The following GTF2A1 variants were observed in gnomAD, a reference collection of about 807,000 sequenced individuals.
The protein encoded by GTF2A1 is general transcription factor IIA subunit 1.
In GTF2A1, 12 loss-of-function variants were observed where a neutral mutation model predicts 54.1. That is an observed-to-expected ratio of 0.22 (90% CI 0.14 to 0.36). The LOEUF is 0.36. Ranked by LOEUF, GTF2A1 falls within the 10% of genes least tolerant of loss-of-function variation. GTF2A1 has a pLI of 1.00. For missense variants in GTF2A1, 335 were observed against 442.2 expected (o/e 0.76, Z 2.17); for synonymous variants, 145 against 152.0 (o/e 0.95, Z 0.34).
intron 2 of GTF2A1, chr14:81,209,967 T>G (rs1018866272): frequency 3.5e-5 from 36 of 1,020,416 alleles, no homozygotes; most frequent in Non-Finnish European, 4.7e-5. Flanking sequence ...ACAAAACTAT[T>G]GTCTTCTAGA....
rs376289162 is a variant in GTF2A1, at chr14:81,201,623, A to G, written c.373T>C (p.Leu125=). 170 of 1,610,048 alleles carry G rather than the reference A, an allele frequency of 1.1e-4. 2 individuals carry two copies. In the East Asian group the frequency reaches 2.2e-3, roughly 21 times the overall value. ...TTTGATGCATTCATATGCTGTATCA[A>G]CTTAGAATCTGGAACAATAACTTGT... The part of the protein sequence containing the change: ...APQVIVPDSK[L]IQHMNASNMS... Residue 125 remains leucine (L), a synonymous_variant, in exon 4 of 9, where the codon TTG becomes CTG. Transcript: ENST00000553612.
At chr14:81,210,279 A>G (rs553203236) in intron 2 of GTF2A1, among the ~76,000 whole-genome samples, 1 of 152,356 alleles carries the variant, frequency 6.6e-6, no homozygotes, top group African/African-American at 2.4e-5. Flanking sequence ...GCCAATTACC[A>G]AAAAGTTCAA....
chr14:81,220,197 G>A (rs939529367), intron 1 of GTF2A1, among the ~76,000 whole-genome samples: 4 of 147,224 alleles, frequency 2.7e-5, no homozygotes, highest in East Asian at 4.0e-4. Flanking sequence ...CTGGGGCCGG[G>A]GCTGCGCGCC....
intron 2 of GTF2A1, among the ~76,000 whole-genome samples, chr14:81,208,587 G>A (rs114862190): frequency 0.02 from 3,067 of 152,266 alleles, 96 homozygotes; most frequent in African/African-American, 0.07. Context: ...CAGAATGGCA[G>A]ACCCACCAAC....
At chr14:81,184,144 T>C (rs1487211877) in intron 8 of GTF2A1, among the ~76,000 whole-genome samples, 1 of 152,212 alleles carries the variant, frequency 6.6e-6, no homozygotes. Context: ...TAAAATATTA[T>C]GAGTACAGTT....
At chr14:81,202,567 C>T (rs755459700) in intron 3 of GTF2A1, 3 of 456,612 alleles carry the variant, frequency 6.6e-6, no homozygotes, top group South Asian at 1.6e-5. Context: ...CAAATAAGTT[C>T]GGCATCAATA....
chr14:81,199,784 A>G (rs1297957808), intron 4 of GTF2A1, among the ~76,000 whole-genome samples: 1 of 152,202 alleles, frequency 6.6e-6, no homozygotes, highest in African/African-American at 2.4e-5. Context: ...TTTATCCCAG[A>G]AATAACTTAC....
chr14:81,214,208 TGCTGAATG>T (rs1893435682), intron 2 of GTF2A1, among the ~76,000 whole-genome samples: 1 of 152,212 alleles, frequency 6.6e-6, no homozygotes, highest in Admixed American at 6.5e-5. Context: ...TCGACACCTA[TGCTGAATG>T]GATGAGACCA....
chr14:81,197,170 A>G, intron 5 of GTF2A1: 1 of 329,936 alleles, frequency 3.0e-6, no homozygotes, highest in South Asian at 1.1e-4. Flanking sequence ...TACTTCAATA[A>G]TAGGGTTATC....
rs901003634 is a variant in GTF2A1, at chr14:81,178,538, C to T, written c.*1685G>A. 1.3e-5 allele frequency: 2 copies of T among 151,896 alleles called. No individual in the cohort carries two copies. The highest frequency in any genetic ancestry group is 2.9e-5 in the Non-Finnish European group (2 of 67,992). 9.4% of individuals were successfully genotyped at this position (151,896 alleles called of 1,614,324 possible). A position where few individuals can be genotyped will look rare whatever the true frequency, so the allele number is the denominator to read the frequency against. On this transcript the variant is annotated 3_prime_UTR_variant, in exon 9 of 9. Transcript: ENST00000553612. ...AGCATGCTAGACACCACCATTAACA[C>T]CAAAGTTTAGAACATAAGTTAAAGA... is the stretch of plus-strand genomic sequence containing the variant.
At chr14:81,194,432 G>A (rs150651957) in intron 6 of GTF2A1, among the ~76,000 whole-genome samples, 70 of 152,296 alleles carry the variant, frequency 4.6e-4, no homozygotes, top group African/African-American at 7.7e-4. Context: ...GTTGCCAGAC[G>A]GCATTCTTAA....
chr14:81,201,485 T>C (rs1893109837), intron 4 of GTF2A1, 109 bp downstream of exon 4: 1 of 596,216 alleles, frequency 1.7e-6, no homozygotes, highest in Non-Finnish European at 3.0e-6. Context: ...CTGTTTTGCT[T>C]GAGTCTTCAA....
At chr14:81,195,147 A>C (rs1369794076) in intron 6 of GTF2A1, among the ~76,000 whole-genome samples, 3 of 151,690 alleles carry the variant, frequency 2.0e-5, no homozygotes, top group Non-Finnish European at 4.4e-5. Context: ...AAAAAAAAAA[A>C]AAAAAAAGAT....
At chr14:81,214,536 C>T (rs1893444173) in intron 2 of GTF2A1, among the ~76,000 whole-genome samples, 1 of 151,628 alleles carries the variant, frequency 6.6e-6, no homozygotes, top group Non-Finnish European at 1.5e-5. Context: ...GTCCCAGCTA[C>T]TTGGGAGGCT....
intron 6 of GTF2A1, among the ~76,000 whole-genome samples, chr14:81,195,036 A>G (rs1391795601): frequency 6.6e-6 from 1 of 150,938 alleles, no homozygotes; most frequent in Non-Finnish European, 1.5e-5. Flanking sequence ...GCTACTCAGG[A>G]GGCTGAGGCA....
Position 81,192,636 on chromosome 14 carries a change from T to C in GTF2A1, c.816A>G (p.Gln272=). 1 of 1,613,968 alleles carries C rather than the reference T, an allele frequency of 6.2e-7. No homozygotes were observed. Among genetic ancestry groups the C allele is most frequent in the Non-Finnish European group, 8.5e-7 (1 of 1,179,802 alleles). The change falls in exon 7 of 9, where the codon CAA becomes CAG. Residue 272 remains glutamine (Q), a synonymous_variant. Coordinates refer to ENST00000553612, the MANE Select transcript of GTF2A1 (RefSeq NM_015859.4). ...PAQTQAPLVL[Q]VDGTGDTSSE... ...ATGATGTATCCCCAGTTCCATCAAC[T>C]TGTAAGACCAATGGAGCTTGTGTTT...
At chr14:81,221,170 C>T (rs1893642104), upstream of GTF2A1, 1 of 152,320 alleles carries the variant, frequency 6.6e-6, no homozygotes, top group South Asian at 2.1e-4. Flanking sequence ...CTCGCGTGAT[C>T]ACGTGGTTGG....
chr14:81,215,250 T>C (rs1209687476), intron 2 of GTF2A1, among the ~76,000 whole-genome samples: 2 of 152,238 alleles, frequency 1.3e-5, no homozygotes, highest in Non-Finnish European at 2.9e-5. Context: ...ATGAGAAGTA[T>C]ACATAAAGCA....
At chr14:81,197,126 A>G in intron 5 of GTF2A1, 1 of 232,302 alleles carries the variant, frequency 4.3e-6, no homozygotes, top group Non-Finnish European at 8.3e-6. Flanking sequence ...AAATGTGTTC[A>G]GTAAAAAACT....
Sources: gnomAD v4.1 joint callset for allele counts (sites outside exome capture counted in the v4.1 genomes callset) on GRCh38, gnomAD v4.1.1 for gene constraint, MANE v1.5 for transcripts, NCBI Gene and HGNC (gene_info 2026-07-23, HGNC 2026-07-21) for gene names.